TMPO: variants seen among roughly 807,000 people sequenced by gnomAD.
The protein encoded by TMPO is LEM domain containing 4.
TMPO carries 22 observed loss-of-function variants against 45.4 expected under a neutral mutation model. The ratio of observed to expected loss-of-function variants is 0.48; its 90% CI spans 0.35 to 0.69. The LOEUF (loss-of-function observed/expected upper bound fraction) is 0.69. Among genes scored for constraint, TMPO ranks in the 30% least tolerant of loss-of-function variants. TMPO has a pLI of 0.01. For synonymous variants in TMPO, 241 were observed against 204.1 expected (o/e 1.18, Z -1.54); for missense variants, 512 against 548.8 (o/e 0.93, Z 0.67).
At chr12:98,535,959 A>G (rs999269457) in intron 3 of TMPO, among the ~76,000 whole-genome samples, 1 of 152,236 alleles carries the variant, frequency 6.6e-6, no homozygotes, top group Non-Finnish European at 1.5e-5. Context: ...TTAACAAAGC[A>G]TAAAATAGAT....
chr12:98,523,931 G>T (rs1168642906), intron 1 of TMPO, among the ~76,000 whole-genome samples: 2 of 152,054 alleles, frequency 1.3e-5, no homozygotes, highest in Non-Finnish European at 1.5e-5. Context: ...CTCCCTCCTC[G>T]GCCTCCCAAA....
chr12:98,534,324 G>A (rs753237660), intron 3 of TMPO: 6 of 1,612,494 alleles, frequency 3.7e-6, no homozygotes, highest in East Asian at 4.5e-5. Context: ...TAATTAAAAA[G>A]CGTGGAAATA....
At position 98,533,930 on chromosome 12, in the gene TMPO, C is replaced by A. The variant is rs563175204; in HGVS notation, c.565+2092C>A. ...CTAGGAGGTATTCAAGCAGCCTCCA[C>A]TGAGTCTTGCAATCAGCAGTTGGAC... On this transcript the variant is annotated intron_variant, in intron 3 of 8. Coordinates refer to ENST00000556029, the MANE Select transcript of TMPO (RefSeq NM_001032283.3). 14 of 1,613,986 alleles carry A rather than the reference C, an allele frequency of 8.7e-6. No homozygotes were observed. The Admixed American group carries it at 1.7e-4, about 19-fold the overall frequency.
intron 3 of TMPO, chr12:98,535,223 A>G: frequency 1.0e-6 from 1 of 984,032 alleles, no homozygotes; most frequent in Non-Finnish European, 1.2e-6. Context: ...TTCATGATAT[A>G]TTGTATTTTG....
chr12:98,533,676 T>A, intron 3 of TMPO: 1 of 1,614,212 alleles, frequency 6.2e-7, no homozygotes, highest in Non-Finnish European at 8.5e-7. Flanking sequence ...CTACCTTAGG[T>A]CTAGAAGTGG....
chr12:98,537,440 T>G (rs1284612478), intron 3 of TMPO, 35 bp from the exon 4 acceptor site: 1 of 1,508,034 alleles, frequency 6.6e-7, no homozygotes, highest in Non-Finnish European at 9.2e-7. Flanking sequence ...ATTGAGTGTT[T>G]CAGAGAGTAA....
chr12:98,547,793 A>G lies in TMPO; in HGVS notation c.1300A>G (p.Met434Val), dbSNP rs1226972524. ...TTTTTTGTTTTTGGTCTATCAAGCT[A>G]TGGAAACCAACCAAGTAAATCCCTT... ...AVFLFLVYQA[M>V]ETNQVNPFSN... The change falls in exon 9 of 9, where the codon ATG (methionine) becomes GTG (valine). Residue 434 changes from methionine (M) to valine (V), a missense_variant. Around this residue, in one of 3 missense-constraint regions of TMPO, gnomAD observed 209 missense variants for 235.1 expected, o/e 0.89. Transcript: ENST00000556029. The G allele has an allele frequency of 1.2e-6, 2 of 1,614,138 alleles. No homozygotes were observed. Among genetic ancestry groups the G allele is most frequent in the Non-Finnish European group, 1.7e-6 (2 of 1,180,026 alleles).
chr12:98,521,948 A>G (rs533189724), intron 1 of TMPO, among the ~76,000 whole-genome samples: 1 of 152,094 alleles, frequency 6.6e-6, no homozygotes, highest in Admixed American at 6.6e-5. Flanking sequence ...GGCCGGTCTC[A>G]AACTCCTTCC....
At chr12:98,534,136 T>C (rs762702141) in intron 3 of TMPO, 1 of 1,613,906 alleles carries the variant, frequency 6.2e-7, no homozygotes, top group South Asian at 1.1e-5. Flanking sequence ...TGCAGCCTCA[T>C]ATATTTGTGA....
rs182543658 is a variant in TMPO at position 98,541,323 on chromosome 12, G to A, written c.664-2907G>A. Among the ~76,000 whole-genome samples, 46 of 152,244 alleles carry A rather than the reference G, an allele frequency of 3.0e-4. 1 individual carries two copies. Among genetic ancestry groups the A allele is most frequent in the African/African-American group, 1.0e-3 (42 of 41,526 alleles). On this transcript the variant is annotated intron_variant, in intron 4 of 8. Coordinates refer to ENST00000556029, the MANE Select transcript of TMPO (RefSeq NM_001032283.3). ...TCATTGTTTCTGGGTCTTTTCAGTA[G>A]GTAGTGCTAGGTAAATCATGAATTA...
At chr12:98,531,238 T>TTTC (rs977382646) in intron 2 of TMPO, among the ~76,000 whole-genome samples, 1 of 146,208 alleles carries the variant, frequency 6.8e-6, no homozygotes, top group Non-Finnish European at 1.5e-5. Flanking sequence ...CCACGTCCTT[T>TTTC]TTTTTTTTTT....
chr12:98,544,794 T>C (rs961863410), intron 6 of TMPO, 157 bp from the exon 7 acceptor site: 1 of 687,342 alleles, frequency 1.5e-6, no homozygotes, highest in East Asian at 2.7e-5. Flanking sequence ...TGAGGCTTCA[T>C]ATGTGAGGCA....
At position 98,531,937 on chromosome 12, in the gene TMPO, A is replaced by C. The variant is rs187564154; in HGVS notation, c.565+99A>C. 6,259 of 977,134 alleles carry C rather than the reference A, an allele frequency of 6.4e-3. 42 individuals carry two copies. Among genetic ancestry groups the C allele is most frequent in the Non-Finnish European group, 7.3e-3 (4,770 of 655,918 alleles). 60.5% of individuals were successfully genotyped at this position (977,134 alleles called of 1,614,324 possible). A position where few individuals can be genotyped will look rare whatever the true frequency, so the allele number is the denominator to read the frequency against. ...TAAAATTTAAAACAATATTGGCAAG[A>C]TACACAAATTTTATTCGTGTCATTA... On this transcript the variant is annotated intron_variant, in intron 3 of 8. Transcript: ENST00000556029.
At chr12:98,533,602 C>T (rs1172272028) in intron 3 of TMPO, 1 of 1,614,214 alleles carries the variant, frequency 6.2e-7, no homozygotes, top group South Asian at 1.1e-5. Flanking sequence ...TGTGGCATTT[C>T]AGAACATACC....
intron 3 of TMPO, chr12:98,534,900 G>A (rs1407328550): frequency 1.0e-6 from 1 of 979,396 alleles, no homozygotes; most frequent in African/African-American, 1.8e-5. Context: ...CAAAGCACCA[G>A]TCTACAAACT....
Position 98,546,442 on chromosome 12 carries a change from A to C in TMPO, c.1074A>C (p.Gly358=). The C allele has an allele frequency of 6.3e-7, 1 of 1,591,682 alleles. No individual in the cohort carries two copies. Among genetic ancestry groups the C allele is most frequent in the Non-Finnish European group, 8.6e-7 (1 of 1,160,492 alleles). ...MFPYEASTPT[G]ISASCRRPIK... ...CCTATGAAGCATCTACACCAACAGG[A>C]ATTAGGTATTCAGATACATTTAAAC... is the stretch of plus-strand genomic sequence containing the variant. Residue 358 remains glycine (G), a synonymous_variant, in exon 8 of 9, where the codon GGA becomes GGC. Coordinates refer to ENST00000556029, the MANE Select transcript of TMPO (RefSeq NM_001032283.3).
chr12:98,540,567 G>A (rs1236259867), intron 4 of TMPO, among the ~76,000 whole-genome samples: 4 of 152,174 alleles, frequency 2.6e-5, no homozygotes, highest in Middle Eastern at 3.4e-3. Context: ...TAGTAGAGAC[G>A]GGGTTTCTCC....
intron 1 of TMPO, among the ~76,000 whole-genome samples, chr12:98,519,693 TGAA>T (rs1483958739): frequency 2.0e-5 from 3 of 152,188 alleles, no homozygotes; most frequent in Admixed American, 6.5e-5. Flanking sequence ...GCCAACAACT[TGAA>T]GAAAAATATT....
intron 2 of TMPO, among the ~76,000 whole-genome samples, chr12:98,530,153 C>G (rs1877088897): frequency 6.6e-6 from 1 of 151,464 alleles, no homozygotes; most frequent in Non-Finnish European, 1.5e-5. Context: ...GCCTGGACAA[C>G]ATAGTGAAAC....
Sources: gnomAD v4.1 joint callset for allele counts (sites outside exome capture counted in the v4.1 genomes callset) on GRCh38, gnomAD v4.1.1 for gene constraint, gnomAD v4.1.1 regional missense constraint, MANE v1.5 for transcripts, NCBI Gene and HGNC (gene_info 2026-07-23, HGNC 2026-07-21) for gene names.